GRIK1: variants seen among roughly 807,000 people sequenced by gnomAD.
The protein encoded by GRIK1 is glutamate ionotropic receptor kainate type subunit 1.
In GRIK1, 69 loss-of-function variants were observed where a neutral mutation model predicts 105.7. That is an observed-to-expected ratio of 0.65 (90% confidence interval 0.54 to 0.80). GRIK1 has a LOEUF of 0.80. GRIK1 is among the 30% of genes least tolerant of loss of function. GRIK1 has a pLI of 0.00. For synonymous variants in GRIK1, 438 were observed against 431.3 expected, an observed-to-expected ratio of 1.02 and a Z score of -0.19; for missense variants, 1,109 against 1,167.3, an observed-to-expected ratio of 0.95 and a Z score of 0.73.
intron 7 of GRIK1, among the ~76,000 whole-genome samples, chr21:29,615,916 A>G (rs2251388): frequency 0.24 from 36,606 of 151,954 alleles, 5,594 homozygotes; most frequent in African/African-American, 0.43. Context: ...AGTTTACCCC[A>G]CAGGGCTCCC....
Position 29,786,064 on chromosome 21 carries a change from T to C in GRIK1, c.119-92001A>G, listed in dbSNP as rs1389955050. ...GAGTGCAGTGGCGATCTCCGCTCAC[T>C]GCAACCTCTGACTCTCTGGGTTCAA... On this transcript the variant is annotated intron_variant, in intron 1 of 17. Coordinates refer to ENST00000327783, the MANE Select transcript of GRIK1 (RefSeq NM_001330994.2). Among the ~76,000 whole-genome samples, 4 of 152,230 alleles carry C rather than the reference T, an allele frequency of 2.6e-5. No individual in the cohort carries two copies. The East Asian group carries it at 7.7e-4, about 29-fold the overall frequency.
chr21:29,560,507 C>T (rs59255545), intron 15 of GRIK1, among the ~76,000 whole-genome samples: 7,082 of 29,900 alleles, frequency 0.24, 1,854 homozygotes, highest in Middle Eastern at 0.34. Flanking sequence ...TTCCTTCCTT[C>T]CTTCCTTCCT....
chr21:29,810,952 T>C (rs2066994125), intron 1 of GRIK1, among the ~76,000 whole-genome samples: 1 of 152,136 alleles, frequency 6.6e-6, no homozygotes, highest in Non-Finnish European at 1.5e-5. Flanking sequence ...TAAAATTTCT[T>C]ATTAAAAGGG....
chr21:29,627,274 C>T (rs577232456), intron 7 of GRIK1, among the ~76,000 whole-genome samples: 7 of 152,220 alleles, frequency 4.6e-5, no homozygotes, highest in South Asian at 2.1e-4. Context: ...ATTTTACTTA[C>T]GTTTGAATTC....
intron 1 of GRIK1, among the ~76,000 whole-genome samples, chr21:29,707,308 C>A (rs1475245118): frequency 1.3e-5 from 2 of 152,156 alleles, no homozygotes; most frequent in Non-Finnish European, 2.9e-5. Flanking sequence ...ACAACCATAA[C>A]ACTGTGAAAC....
chr21:29,792,891 C>T (rs1186097558), intron 1 of GRIK1, among the ~76,000 whole-genome samples: 1 of 152,156 alleles, frequency 6.6e-6, no homozygotes, highest in Non-Finnish European at 1.5e-5. Flanking sequence ...GAAAGAATAT[C>T]TGCTTTTTTA....
At position 29,643,910 on chromosome 21, in the gene GRIK1, G is replaced by GCACA. The variant is rs36010792; in HGVS notation, c.955-945_955-942dup. ...GATATTTGTGGAGGGGCACACACAT[G>GCACA]CACACACACACACACACATGCACAG... On this transcript the variant is annotated intron_variant, in intron 6 of 17. Transcript: ENST00000327783. Among the ~76,000 whole-genome samples, 81 of 149,764 alleles carry GCACA rather than the reference G, an allele frequency of 5.4e-4. 2 individuals are homozygous for GCACA. The highest frequency in any genetic ancestry group is 7.8e-4 in the African/African-American group (32 of 41,032).
rs537441653 is a variant in GRIK1, at chr21:29,831,047, G to T, written c.118+108336C>A. Among the ~76,000 whole-genome samples, 7 of 152,222 alleles carry T rather than the reference G, an allele frequency of 4.6e-5. No homozygotes were observed. The South Asian group carries it at 1.5e-3, about 32-fold the overall frequency. On this transcript the variant is annotated intron_variant, in intron 1 of 17. Coordinates refer to ENST00000327783, the MANE Select transcript of GRIK1 (RefSeq NM_001330994.2). ...TTAAAAATGCTTATGGTGAAAATCT[G>T]CTCATTTAAGGTGTGTACTGTAGCA...
At chr21:29,784,319 G>C (rs577825005) in intron 1 of GRIK1, among the ~76,000 whole-genome samples, 1 of 152,232 alleles carries the variant, frequency 6.6e-6, no homozygotes, top group South Asian at 2.1e-4. Flanking sequence ...ATATTTCCTA[G>C]AAGTGTGATT....
chr21:29,725,072 T>C (rs2064421662), intron 1 of GRIK1, among the ~76,000 whole-genome samples: 1 of 151,434 alleles, frequency 6.6e-6, no homozygotes, highest in Non-Finnish European at 1.5e-5. Flanking sequence ...TAATTACACC[T>C]TTTCTGAGAG....
intron 1 of GRIK1, among the ~76,000 whole-genome samples, chr21:29,809,433 C>G (rs2066949953): frequency 6.6e-6 from 1 of 152,178 alleles, no homozygotes; most frequent in African/African-American, 2.4e-5. Context: ...AAAATGCTAA[C>G]TGTCACCTGA....
chr21:29,890,556 T>C (rs2069857058), intron 1 of GRIK1, among the ~76,000 whole-genome samples: 1 of 152,134 alleles, frequency 6.6e-6, no homozygotes, highest in African/African-American at 2.4e-5. Flanking sequence ...CAGTTGTAGA[T>C]CTGTCTTCCA....
At chr21:29,665,366 T>C (rs2063039244) in intron 4 of GRIK1, among the ~76,000 whole-genome samples, 2 of 152,186 alleles carry the variant, frequency 1.3e-5, no homozygotes, top group African/African-American at 4.8e-5. Context: ...GATTTTAATA[T>C]CAGCCTGAGA....
chr21:29,763,340 A>G (rs2145702860), intron 1 of GRIK1, among the ~76,000 whole-genome samples: 1 of 150,944 alleles, frequency 6.6e-6, no homozygotes, highest in Non-Finnish European at 1.5e-5. Context: ...AGCCATATGA[A>G]ATTGTGAGTT....
chr21:29,639,240 A>G (rs1318466496), intron 7 of GRIK1, among the ~76,000 whole-genome samples: 3 of 152,208 alleles, frequency 2.0e-5, no homozygotes, highest in Non-Finnish European at 1.5e-5. Context: ...TAATTCATTC[A>G]TCAATTCATT....
At chr21:29,652,331 C>A (rs190395832) in intron 5 of GRIK1, among the ~76,000 whole-genome samples, 6 of 152,146 alleles carry the variant, frequency 3.9e-5, no homozygotes. Flanking sequence ...GAAAATCACT[C>A]CTGGCCGAAA....
rs2062602199 is a variant in GRIK1 at position 29,645,602 on chromosome 21, A to G, written c.955-2633T>C. Among the ~76,000 whole-genome samples, 8 of 152,336 alleles carry G rather than the reference A, an allele frequency of 5.3e-5. No individual in the cohort carries two copies. In the South Asian group the frequency reaches 1.7e-3, roughly 32 times the overall value. ...TCGAAAAAATATGCTACCCCTTGAA[A>G]TACAATGTTTTCTTAGATGGAGAAA... On this transcript the variant is annotated intron_variant, in intron 6 of 17. Transcript: ENST00000327783.
intron 1 of GRIK1, among the ~76,000 whole-genome samples, chr21:29,911,089 T>C (rs73898538): frequency 0.013 from 2,005 of 152,208 alleles, 51 homozygotes; most frequent in African/African-American, 0.046. Flanking sequence ...GCTTGACATA[T>C]ACTAACTCAG....
intron 1 of GRIK1, among the ~76,000 whole-genome samples, chr21:29,746,162 T>G (rs1307272221): frequency 6.6e-6 from 1 of 152,120 alleles, no homozygotes; most frequent in Non-Finnish European, 1.5e-5. Flanking sequence ...GCACAATTAT[T>G]CTTGGAACTA....
Sources: gnomAD v4.1 joint callset for allele counts (sites outside exome capture counted in the v4.1 genomes callset) on GRCh38, gnomAD v4.1.1 for gene constraint, MANE v1.5 for transcripts, NCBI Gene and HGNC (gene_info 2026-07-23, HGNC 2026-07-21) for gene names.